The following MDGA2 variants were observed in gnomAD, a reference collection of about 807,000 sequenced individuals.
MDGA2 encodes the protein MAM domain containing glycosylphosphatidylinositol anchor 2, also known as MAM domain-containing glycosylphosphatidylinositol anchor protein 2.
In MDGA2, 40 loss-of-function variants were observed where a neutral mutation model predicts 117.8. That is an observed-to-expected ratio of 0.34 (90% CI 0.26 to 0.44). The LOEUF is 0.44. Ranked by LOEUF, MDGA2 falls within the 20% of genes least tolerant of loss-of-function variation. The pLI, the probability that MDGA2 is intolerant of heterozygous loss-of-function variation, is 1.00. For missense variants in MDGA2, 1,123 were observed against 1,250.6 expected, an observed-to-expected ratio of 0.90 and a Z score of 1.54; for synonymous variants, 452 against 439.0, an observed-to-expected ratio of 1.03 and a Z score of -0.37.
At chr14:47,179,623 G>A (rs1041581123) in intron 3 of MDGA2, among the ~76,000 whole-genome samples, 2 of 151,900 alleles carry the variant, frequency 1.3e-5, no homozygotes, top group African/African-American at 4.8e-5. Flanking sequence ...CTGTGATATT[G>A]GAGATTTAAT....
At chr14:46,847,458 CAGAT>C (rs1433127151) in intron 15 of MDGA2, among the ~76,000 whole-genome samples, 1 of 152,038 alleles carries the variant, frequency 6.6e-6, no homozygotes, top group Non-Finnish European at 1.5e-5. Context: ...TCTCAGTCCT[CAGAT>C]AGAATTTACA....
rs1338570988 is a variant in MDGA2 at position 47,343,109 on chromosome 14, A to G, written c.281-41559T>C. ...CATGGAAGCCTCACCTTGAATAACC[A>G]GATGCTCGAGGCACACAATAATGAA... is the stretch of plus-strand genomic sequence containing the variant. On this transcript the variant is annotated intron_variant, in intron 1 of 16. Transcript: ENST00000399232. 22 of 1,242,790 alleles carry G rather than the reference A, an allele frequency of 1.8e-5. No homozygotes were observed. The East Asian group carries it at 8.4e-4, about 47-fold the overall frequency. The allele number at this position is 1,242,790 out of a possible 1,614,324, so 77.0% of individuals were successfully genotyped here.
At chr14:47,463,402 C>T (rs1028856661) in intron 1 of MDGA2, among the ~76,000 whole-genome samples, 1 of 151,722 alleles carries the variant, frequency 6.6e-6, no homozygotes, top group African/African-American at 2.4e-5. Flanking sequence ...CACAGACATA[C>T]AAAAAATAAA....
At chr14:47,624,140 G>A (rs1399902667) in intron 1 of MDGA2, among the ~76,000 whole-genome samples, 1 of 152,192 alleles carries the variant, frequency 6.6e-6, no homozygotes, top group Non-Finnish European at 1.5e-5. Flanking sequence ...TAAGGTTGAA[G>A]GTCCTCGTTC....
chr14:47,447,199 A>G (rs1893141873), intron 1 of MDGA2, among the ~76,000 whole-genome samples: 1 of 152,152 alleles, frequency 6.6e-6, no homozygotes, highest in Admixed American at 6.6e-5. Flanking sequence ...ACTTCACAGA[A>G]GGTAATACTT....
Position 46,855,256 on chromosome 14 carries a change from G to A in MDGA2, c.2753-102C>T. On this transcript the variant is annotated intron_variant, in intron 14 of 16. Transcript: ENST00000399232. This position sits in a 1 kb window ranked among gnomAD's most constrained non-coding sequence, Gnocchi z 4.1. ...AAACTTTTTAAACTGAAATTTTACA[G>A]AACACTCTAGTGTCTTGTCCTCTCT... 1.1e-6 allele frequency: 1 copy of A among 889,674 alleles called. No individual in the cohort carries two copies. The highest frequency in any genetic ancestry group is 1.7e-5 in the South Asian group (1 of 57,730). 55.1% of individuals were successfully genotyped at this position (889,674 alleles called of 1,614,324 possible). A position where few individuals can be genotyped will look rare whatever the true frequency, so the allele number is the denominator to read the frequency against.
chr14:47,492,595 A>G (rs1052072132), intron 1 of MDGA2, among the ~76,000 whole-genome samples: 4 of 152,184 alleles, frequency 2.6e-5, no homozygotes, highest in African/African-American at 9.6e-5. Context: ...GGAAAAGATC[A>G]TAAATCTTAT....
At chr14:47,259,394 C>T (rs1887723768) in intron 2 of MDGA2, among the ~76,000 whole-genome samples, 1 of 151,980 alleles carries the variant, frequency 6.6e-6, no homozygotes, top group Non-Finnish European at 1.5e-5. Flanking sequence ...AATAACCAAT[C>T]CTATAAATAA....
chr14:47,455,650 T>G (rs560068907), intron 1 of MDGA2, among the ~76,000 whole-genome samples: 1 of 152,284 alleles, frequency 6.6e-6, no homozygotes, highest in African/African-American at 2.4e-5. Context: ...ACAGTAGTTT[T>G]GTTTGGTTTT....
chr14:47,606,572 C>T (rs942803207), intron 1 of MDGA2, among the ~76,000 whole-genome samples: 1 of 152,226 alleles, frequency 6.6e-6, no homozygotes, highest in Middle Eastern at 3.4e-3. Context: ...GAATCATGGC[C>T]TCCAGCTAAA....
At chr14:47,101,674 A>C (rs1880333866) in intron 5 of MDGA2, among the ~76,000 whole-genome samples, 1 of 152,224 alleles carries the variant, frequency 6.6e-6, no homozygotes, top group Admixed American at 6.5e-5. Flanking sequence ...GAATGAGAGA[A>C]GTCTCAGGAA....
chr14:47,410,643 ACG>A (rs1892353316), intron 1 of MDGA2, among the ~76,000 whole-genome samples: 13 of 152,266 alleles, frequency 8.5e-5, no homozygotes, highest in Non-Finnish European at 1.8e-4. Flanking sequence ...GAGAGAAAAT[ACG>A]CCATTTCAGA....
intron 1 of MDGA2, among the ~76,000 whole-genome samples, chr14:47,557,206 C>A (rs553440696): frequency 6.6e-6 from 1 of 152,062 alleles, no homozygotes; most frequent in Non-Finnish European, 1.5e-5. Flanking sequence ...GTTTCCTGGA[C>A]TAATTTAACC....
chr14:47,226,449 T>C (rs901162035), intron 2 of MDGA2, among the ~76,000 whole-genome samples: 3 of 152,100 alleles, frequency 2.0e-5, no homozygotes, highest in African/African-American at 7.2e-5. Context: ...CGATCCTTTT[T>C]TCCCTTTGTC....
rs1210551774 is a variant in MDGA2 at position 46,884,966 on chromosome 14, C to T, written c.2239-2745G>A. Among the ~76,000 whole-genome samples the T allele has an allele frequency of 9.9e-5, 15 of 151,834 alleles. No individual in the cohort carries two copies. In the East Asian group the frequency reaches 2.7e-3, roughly 28 times the overall value. ...GATTCAAGCAATTCTCCTGCCTCGGCCCCCTGAGTAAATGGAATTACAGGC... is the reference window on the plus strand; with the variant it reads ...GATTCAAGCAATTCTCCTGCCTCGGTCCCCTGAGTAAATGGAATTACAGGC... On this transcript the variant is annotated intron_variant, in intron 10 of 16. Transcript: ENST00000399232. The surrounding 1 kb of genome is among the most constrained non-coding windows in gnomAD (Gnocchi z 4.1).
At position 46,982,705 on chromosome 14, in the gene MDGA2, C is replaced by CAAAAAAAAAAA. The variant is rs59530070; in HGVS notation, c.1820-25073_1820-25063dup. Among the ~76,000 whole-genome samples, 11 of 45,934 alleles carry CAAAAAAAAAAA rather than the reference C, an allele frequency of 2.4e-4. 1 individual carries two copies. The highest frequency in any genetic ancestry group is 7.5e-4 in the African/African-American group (8 of 10,642). The allele number at this position is 45,934 out of a possible 152,430, so 30.1% of individuals were successfully genotyped here. A position where few individuals can be genotyped will look rare whatever the true frequency, so the allele number is the denominator to read the frequency against. ...GCCTGGTGACAGAGGGAGACTCCATCAAAAAAAAAAAAAAAAAAAAAAAAA... is the reference window on the plus strand; with the variant it reads ...GCCTGGTGACAGAGGGAGACTCCATCAAAAAAAAAAAAAAAAAAAAAAAAAAAAAAAAAAAA... On this transcript the variant is annotated intron_variant, in intron 8 of 16. Coordinates refer to ENST00000399232, the MANE Select transcript of MDGA2 (RefSeq NM_001113498.3).
At chr14:47,494,369 A>C (rs1423254562) in intron 1 of MDGA2, among the ~76,000 whole-genome samples, 1 of 152,158 alleles carries the variant, frequency 6.6e-6, no homozygotes, top group Non-Finnish European at 1.5e-5. Flanking sequence ...CTGCTATCCT[A>C]CTATTTTAAA....
chr14:47,309,561 C>T (rs1174485552), intron 1 of MDGA2, among the ~76,000 whole-genome samples: 1 of 152,012 alleles, frequency 6.6e-6, no homozygotes, highest in Non-Finnish European at 1.5e-5. Context: ...GTAACTGAAC[C>T]ACTCTAAGAG....
At chr14:47,330,241 A>G (rs897422985) in intron 1 of MDGA2, among the ~76,000 whole-genome samples, 2 of 151,900 alleles carry the variant, frequency 1.3e-5, no homozygotes, top group African/African-American at 2.4e-5. Context: ...ATTTATTTGT[A>G]TATACCTAGA....
Sources: allele counts gnomAD v4.1 joint callset (sites outside exome capture counted in the v4.1 genomes callset), GRCh38; gene constraint gnomAD v4.1.1; non-coding constraint Gnocchi (gnomAD v3.1); transcripts MANE v1.5; gene names NCBI Gene and HGNC (gene_info 2026-07-23, HGNC 2026-07-21).